TRAPPC10: variants seen among roughly 807,000 people sequenced by gnomAD.
TRAPPC10 encodes the protein trafficking protein particle complex subunit 10.
Under a neutral mutation model 125.5 loss-of-function variants are expected in TRAPPC10, and 23 were observed. The ratio of observed to expected loss-of-function variants is 0.18; its 90% CI spans 0.13 to 0.26. TRAPPC10 has a LOEUF of 0.26. Ranked by LOEUF, TRAPPC10 falls within the 10% of genes least tolerant of loss-of-function variation. TRAPPC10 has a pLI of 1.00. For synonymous variants in TRAPPC10, 509 were observed against 518.0 expected, an observed-to-expected ratio of 0.98 and a Z score of 0.24; for missense variants, 1,123 against 1,308.4, an observed-to-expected ratio of 0.86 and a Z score of 2.19.
At chr21:44,067,992 C>A (rs1011267700) in intron 7 of TRAPPC10, among the ~76,000 whole-genome samples, 1 of 151,798 alleles carries the variant, frequency 6.6e-6, no homozygotes, top group Non-Finnish European at 1.5e-5. Context: ...TGATGGCAGG[C>A]GCCTGTAATC....
intron 1 of TRAPPC10, among the ~76,000 whole-genome samples, chr21:44,024,496 A>C (rs999909148): frequency 6.6e-6 from 1 of 152,218 alleles, no homozygotes; most frequent in Non-Finnish European, 1.5e-5. Context: ...GAATAACACT[A>C]TTAACTCCAC....
Position 44,063,783 on chromosome 21 carries a change from G to A in TRAPPC10, c.1036G>A (p.Glu346Lys). 1 of 1,610,360 alleles carries A rather than the reference G, an allele frequency of 6.2e-7. No individual in the cohort carries two copies. The highest frequency in any genetic ancestry group is 8.5e-7 in the Non-Finnish European group (1 of 1,177,874). The change falls in exon 7 of 23, where the codon GAA (glutamate) becomes AAA (lysine). Residue 346 changes from glutamate to lysine, a missense_variant and splice_region_variant. This residue lies in a region of TRAPPC10 where 840 missense variants were observed against 902.0 expected (regional missense o/e 0.93). Transcript: ENST00000291574. This position sits in a 1 kb window ranked among gnomAD's most constrained non-coding sequence, Gnocchi z 4.4. ...CTGCGTGCAGGAACTGAAGCTCTTA[G>A]AAGTGAGTCGGCTGTTTTCCCAATT... ...HNCVQELKLL[E>K]VSVPPGALDC... is the part of the protein sequence containing the mutation.
chr21:44,057,770 G>A (rs1353563504), intron 5 of TRAPPC10, among the ~76,000 whole-genome samples: 1 of 152,180 alleles, frequency 6.6e-6, no homozygotes, highest in Non-Finnish European at 1.5e-5. Context: ...GTTTTCACGG[G>A]AAACAGGATA....
At chr21:44,039,425 G>T (rs1355037515) in intron 3 of TRAPPC10, among the ~76,000 whole-genome samples, 1 of 152,180 alleles carries the variant, frequency 6.6e-6, no homozygotes, top group African/African-American at 2.4e-5. Context: ...GATGTTTTAG[G>T]TTCTGGGAGC....
Position 44,074,979 on chromosome 21 carries a change from C to T in TRAPPC10, c.1186-60C>T, listed in dbSNP as rs565693621. 4.9e-6 allele frequency: 6 copies of T among 1,224,394 alleles called. No individual in the cohort carries two copies. In the South Asian group the frequency reaches 7.9e-5, roughly 16 times the overall value. The allele number at this position is 1,224,394 out of a possible 1,614,324, so 75.8% of individuals were successfully genotyped here. On this transcript the variant is annotated intron_variant, in intron 8 of 22. Transcript: ENST00000291574. ...GGATTTGAATTTTTATATTTAAATT[C>T]TTGAATTCCCTGCTGACTCTTACGG...
At chr21:44,038,048 A>G in intron 3 of TRAPPC10, 121 bp downstream of exon 3, 4 of 1,373,358 alleles carry the variant, frequency 2.9e-6, no homozygotes, top group Non-Finnish European at 4.0e-6. Context: ...AGATGCGTGG[A>G]GAGTGCTGTG....
chr21:44,082,720 C>T lies in TRAPPC10; in HGVS notation c.1724-68C>T, dbSNP rs553302096. ...GCTCTCGGTGATCTTACTGTGTCCG[C>T]GGCCTGCTGCTGCTTACTGTCAGGA... On this transcript the variant is annotated intron_variant, in intron 13 of 22. Transcript: ENST00000291574. This position sits in a 1 kb window ranked among gnomAD's most constrained non-coding sequence, Gnocchi z 4.4. 79 of 1,557,528 alleles carry T rather than the reference C, an allele frequency of 5.1e-5. 2 individuals carry two copies. The South Asian group carries it at 7.7e-4, about 15-fold the overall frequency.
At chr21:44,079,451 A>T in intron 11 of TRAPPC10, 113 bp from the exon 12 acceptor site, 1 of 1,234,716 alleles carries the variant, frequency 8.1e-7, no homozygotes, top group Non-Finnish European at 1.1e-6. Context: ...AGAGATGTTG[A>T]GTCTGTCCTG....
chr21:44,012,426 C>G lies in TRAPPC10; in HGVS notation c.-68C>G. The G allele has an allele frequency of 9.6e-7, 1 of 1,041,450 alleles. No individual in the cohort carries two copies. The highest frequency in any genetic ancestry group is 1.7e-5 in the African/African-American group (1 of 57,742). 64.5% of individuals were successfully genotyped at this position (1,041,450 alleles called of 1,614,324 possible). A position where few individuals can be genotyped will look rare whatever the true frequency, so the allele number is the denominator to read the frequency against. On this transcript the variant is annotated 5_prime_UTR_variant, in exon 1 of 23. Transcript: ENST00000291574. ...GGCGCCGCTCAGGCTCGGGCTCCGG[C>G]TGGGCCCGGCGCGGCCTCGGGGCTG...
intron 20 of TRAPPC10, among the ~76,000 whole-genome samples, chr21:44,095,456 T>A (rs2038868695): frequency 6.6e-6 from 1 of 151,988 alleles, no homozygotes; most frequent in African/African-American, 2.4e-5. Context: ...CAGGCTGGTC[T>A]CAAACTCTCT....
intron 14 of TRAPPC10, among the ~76,000 whole-genome samples, 186 bp from the exon 15 acceptor site, chr21:44,083,936 T>G (rs75877722): frequency 0.017 from 2,583 of 152,276 alleles, 73 homozygotes; most frequent in African/African-American, 0.058. Flanking sequence ...AATCACGAAT[T>G]GAGAGATTCT....
chr21:44,026,070 A>G (rs1416132110), intron 1 of TRAPPC10, among the ~76,000 whole-genome samples: 1 of 152,104 alleles, frequency 6.6e-6, no homozygotes, highest in Non-Finnish European at 1.5e-5. Context: ...CTTCTAATGA[A>G]GGGAGGACAG....
rs1447161912 is a variant in TRAPPC10 at position 44,083,982 on chromosome 21, G to A, written c.2239-140G>A. 1.1e-5 allele frequency: 10 copies of A among 888,022 alleles called. 1 individual carries two copies. Among genetic ancestry groups the A allele is most frequent in the Non-Finnish European group, 1.7e-6 (1 of 595,444 alleles). The allele number at this position is 888,022 out of a possible 1,614,324, so 55.0% of individuals were successfully genotyped here. A position where few individuals can be genotyped will look rare whatever the true frequency, so the allele number is the denominator to read the frequency against. On this transcript the variant is annotated intron_variant, in intron 14 of 22. Transcript: ENST00000291574. ...TGAAGAGCCCAAGCTTAGAGGTTTA[G>A]GCACAAGAGCAGGGGGTACAAGAGG...
chr21:44,068,135 G>A (rs1041169395), intron 7 of TRAPPC10, among the ~76,000 whole-genome samples: 10 of 149,006 alleles, frequency 6.7e-5, no homozygotes, highest in African/African-American at 2.3e-4. Context: ...AAAAAAAAAA[G>A]GACTCATTCA....
chr21:44,064,657 A>G (rs1185830552), intron 7 of TRAPPC10, among the ~76,000 whole-genome samples: 2 of 152,244 alleles, frequency 1.3e-5, no homozygotes, highest in Non-Finnish European at 2.9e-5. Context: ...TCTGAAGAGT[A>G]TAAGCCATTG....
chr21:44,079,749 T>G, intron 12 of TRAPPC10, 45 bp downstream of exon 12: 1 of 1,582,912 alleles, frequency 6.3e-7, no homozygotes, highest in Non-Finnish European at 8.6e-7. Context: ...ATTTTCTGTT[T>G]ATACGGCAAC....
chr21:44,079,860 G>A (rs1601781586), intron 12 of TRAPPC10, 155 bp from the exon 13 acceptor site: 1 of 1,084,754 alleles, frequency 9.2e-7, no homozygotes, highest in East Asian at 2.6e-5. Flanking sequence ...ATGTCTAGTC[G>A]ATTTTTTATA....
intron 18 of TRAPPC10, among the ~76,000 whole-genome samples, chr21:44,090,355 GGA>G (rs1169367162): frequency 1.3e-5 from 2 of 152,176 alleles, no homozygotes; most frequent in East Asian, 3.8e-4. Flanking sequence ...CTCTAGAACA[GGA>G]GCTTTTAAGC....
chr21:44,086,613 C>G (rs2038153037), intron 15 of TRAPPC10, among the ~76,000 whole-genome samples, 189 bp from the exon 16 acceptor site: 1 of 152,122 alleles, frequency 6.6e-6, no homozygotes, highest in Non-Finnish European at 1.5e-5. Context: ...CTCCTTCAAC[C>G]CTGTAGTCCA....
Sources: gnomAD v4.1 joint callset for allele counts (sites outside exome capture counted in the v4.1 genomes callset) on GRCh38, gnomAD v4.1.1 for gene constraint, gnomAD v4.1.1 regional missense constraint, Gnocchi (gnomAD v3.1) non-coding constraint, MANE v1.5 for transcripts, NCBI Gene and HGNC (gene_info 2026-07-23, HGNC 2026-07-21) for gene names.